The following KCNIP4 variants were observed in gnomAD, a reference collection of about 807,000 sequenced individuals.
KCNIP4 encodes the protein potassium voltage-gated channel interacting protein 4.
In KCNIP4, 12 loss-of-function variants were observed where a neutral mutation model predicts 34.0. The observed-to-expected ratio is 0.35, with a 90% CI of 0.23 to 0.57. The LOEUF (loss-of-function observed/expected upper bound fraction) is 0.57, where lower values mean the gene tolerates loss of function less well. KCNIP4 is among the 20% of genes least tolerant of loss of function. The pLI is 0.83. For synonymous variants in KCNIP4, 124 were observed against 102.2 expected (o/e 1.21, Z -1.29); for missense variants, 238 against 311.7 (o/e 0.76, Z 1.78).
chr4:20,828,085 C>T (rs1012309276), intron 3 of KCNIP4, among the ~76,000 whole-genome samples: 1 of 152,112 alleles, frequency 6.6e-6, no homozygotes, highest in African/African-American at 2.4e-5. Context: ...CTCATGCCTT[C>T]ATAATAGATT....
intron 1 of KCNIP4, among the ~76,000 whole-genome samples, chr4:21,280,550 T>A (rs896757291): frequency 3.3e-5 from 5 of 152,320 alleles, no homozygotes; most frequent in Non-Finnish European, 7.4e-5. Flanking sequence ...TCCATTAGAA[T>A]GATCCACTGA....
At chr4:21,449,145 CAT>C (rs1015111651) in intron 1 of KCNIP4, among the ~76,000 whole-genome samples, 3 of 152,290 alleles carry the variant, frequency 2.0e-5, no homozygotes, top group Middle Eastern at 6.8e-3. Context: ...GCTGAAAGGA[CAT>C]AACCTTGAGC....
At chr4:21,116,324 T>C (rs1244128271) in intron 1 of KCNIP4, among the ~76,000 whole-genome samples, 1 of 152,226 alleles carries the variant, frequency 6.6e-6, no homozygotes, top group Non-Finnish European at 1.5e-5. Context: ...GTTGTTGTTG[T>C]GGCTTTCTTA....
chr4:21,404,545 A>G (rs746806620), intron 1 of KCNIP4, among the ~76,000 whole-genome samples: 2 of 152,160 alleles, frequency 1.3e-5, no homozygotes, highest in Non-Finnish European at 2.9e-5. Flanking sequence ...CACACACACA[A>G]TATGAGCTTA....
At chr4:20,746,001 A>G (rs563737414) in intron 5 of KCNIP4, among the ~76,000 whole-genome samples, 1 of 152,342 alleles carries the variant, frequency 6.6e-6, no homozygotes, top group African/African-American at 2.4e-5. Flanking sequence ...TAGAAATACC[A>G]TTTGACACAG....
At chr4:20,785,489 A>T (rs1711855795) in intron 3 of KCNIP4, among the ~76,000 whole-genome samples, 1 of 152,050 alleles carries the variant, frequency 6.6e-6, no homozygotes, top group Admixed American at 6.6e-5. Context: ...AAAATCAATT[A>T]CCTGGGATGG....
At chr4:21,546,149 C>A (rs1738135080) in intron 1 of KCNIP4, among the ~76,000 whole-genome samples, 1 of 152,214 alleles carries the variant, frequency 6.6e-6, no homozygotes, top group South Asian at 2.1e-4. Flanking sequence ...AGATTAGACC[C>A]ACTCACATAA....
In KCNIP4 at chr4:20,730,133, T is replaced by TAAGGGAGAAACA; in HGVS notation, c.706-16_706-5dup. ...TGGAGCGCATTATGTTTTCATCCTGTAAGGGAGAAACACAGAGCGATTAAA... is the reference window on the plus strand; with the variant it reads ...TGGAGCGCATTATGTTTTCATCCTGTAAGGGAGAAACAAAGGGAGAAACACAGAGCGATTAAA... On this transcript the variant is annotated splice_polypyrimidine_tract_variant and splice_region_variant and intron_variant, in intron 8 of 8. Coordinates refer to ENST00000382152, the MANE Select transcript of KCNIP4 (RefSeq NM_025221.6). 1 of 1,605,444 alleles carries TAAGGGAGAAACA rather than the reference T, an allele frequency of 6.2e-7. No individual in the cohort carries two copies. The highest frequency in any genetic ancestry group is 8.5e-7 in the Non-Finnish European group (1 of 1,176,884).
intron 1 of KCNIP4, among the ~76,000 whole-genome samples, chr4:21,429,749 T>A (rs1393458585): frequency 3.3e-5 from 5 of 152,346 alleles, no homozygotes. Flanking sequence ...TAATTTATAA[T>A]TCTGCAAATT....
chr4:21,290,378 A>G lies in KCNIP4; in HGVS notation c.62-407669T>C, dbSNP rs1325269476. 2.0e-5 allele frequency among the ~76,000 whole-genome samples: 3 copies of G among 152,266 alleles called. No individual in the cohort carries two copies. The East Asian group carries it at 5.8e-4, about 29-fold the overall frequency. On this transcript the variant is annotated intron_variant, in intron 1 of 8. Coordinates refer to ENST00000382152, the MANE Select transcript of KCNIP4 (RefSeq NM_025221.6). ...AAAATAATGTATGTTTCATATTGAT[A>G]TTCTTCTCTTTTTAAAATTAACCTC...
chr4:21,331,801 A>G (rs1318402232), intron 1 of KCNIP4, among the ~76,000 whole-genome samples: 1 of 152,164 alleles, frequency 6.6e-6, no homozygotes, highest in African/African-American at 2.4e-5. Context: ...TTAGACGTTT[A>G]TCAGTTTCTT....
chr4:21,931,323 T>C (rs1281412179), intron 1 of KCNIP4, among the ~76,000 whole-genome samples: 3 of 151,616 alleles, frequency 2.0e-5, no homozygotes, highest in Non-Finnish European at 4.4e-5. Flanking sequence ...AACGTGCAGG[T>C]TTGTTACATA....
chr4:20,908,390 C>G (rs980202828), intron 1 of KCNIP4, among the ~76,000 whole-genome samples: 1 of 152,204 alleles, frequency 6.6e-6, no homozygotes, highest in African/African-American at 2.4e-5. Context: ...CCACCGCACC[C>G]GGCCTCGTCA....
intron 1 of KCNIP4, among the ~76,000 whole-genome samples, chr4:21,423,863 A>C (rs1454139168): frequency 6.7e-6 from 1 of 149,432 alleles, no homozygotes; most frequent in Admixed American, 6.7e-5. Context: ...GCTGGAGTGC[A>C]GTGGTGCAAT....
chr4:20,744,423 T>C (rs1241292901), intron 5 of KCNIP4, among the ~76,000 whole-genome samples: 1 of 151,172 alleles, frequency 6.6e-6, no homozygotes, highest in Non-Finnish European at 1.5e-5. Context: ...TAAGAAAATA[T>C]GGCACTATAC....
chr4:21,206,783 T>G (rs1022376015), intron 1 of KCNIP4, among the ~76,000 whole-genome samples: 3 of 152,334 alleles, frequency 2.0e-5, no homozygotes, highest in Admixed American at 2.0e-4. Context: ...AAAAGAAAAC[T>G]GATCTTTAGA....
chr4:20,908,564 TG>T (rs1728024072), intron 1 of KCNIP4, among the ~76,000 whole-genome samples: 1 of 152,204 alleles, frequency 6.6e-6, no homozygotes, highest in Non-Finnish European at 1.5e-5. Flanking sequence ...CTAAAATAGA[TG>T]GAATAAAATT....
chr4:21,948,498 G>T, intron 1 of KCNIP4, 73 bp downstream of exon 1: 1 of 1,511,410 alleles, frequency 6.6e-7, no homozygotes, highest in Non-Finnish European at 9.0e-7. Flanking sequence ...AGGAAGGGAA[G>T]GGGCAGCCGT....
chr4:21,239,012 G>T (rs562575507), intron 1 of KCNIP4, among the ~76,000 whole-genome samples: 1 of 152,000 alleles, frequency 6.6e-6, no homozygotes. Context: ...GCATGGTACT[G>T]GTACCAAAAC....
Sources: allele counts gnomAD v4.1 joint callset (sites outside exome capture counted in the v4.1 genomes callset), GRCh38; gene constraint gnomAD v4.1.1; transcripts MANE v1.5; gene names NCBI Gene and HGNC (gene_info 2026-07-23, HGNC 2026-07-21).